CA10: variants seen among roughly 807,000 people sequenced by gnomAD.
CA10 encodes the protein carbonic anhydrase-related protein 10.
CA10 carries 14 observed loss-of-function variants against 44.2 expected under a neutral mutation model. The observed-to-expected ratio is 0.32, with a 90% CI of 0.21 to 0.50. The LOEUF (loss-of-function observed/expected upper bound fraction) is 0.50. CA10 is among the 20% of genes least tolerant of loss of function. The probability of loss-of-function intolerance (pLI) is 0.99; values close to 1 mark genes in which losing one functional copy is unlikely to be tolerated. For missense variants in CA10, 350 were observed against 409.7 expected, an observed-to-expected ratio of 0.85 and a Z score of 1.26; for synonymous variants, 159 against 141.6, an observed-to-expected ratio of 1.12 and a Z score of -0.87.
chr17:51,641,014 A>C (rs1051202245), intron 6 of CA10, among the ~76,000 whole-genome samples: 4 of 151,794 alleles, frequency 2.6e-5, no homozygotes, highest in Non-Finnish European at 4.4e-5. Context: ...CCAGTGGGGG[A>C]GTGTTCATGC....
chr17:51,885,381 C>T (rs1025664831), intron 3 of CA10, among the ~76,000 whole-genome samples: 2 of 152,220 alleles, frequency 1.3e-5, no homozygotes, highest in Non-Finnish European at 2.9e-5. Context: ...GCTTTCATCA[C>T]TTCCCTCAGT....
chr17:52,145,677 T>C (rs1163584081), intron 1 of CA10, among the ~76,000 whole-genome samples: 4 of 152,222 alleles, frequency 2.6e-5, no homozygotes, highest in Admixed American at 2.6e-4. Flanking sequence ...TTGAATCCCA[T>C]AGCTATTTAG....
chr17:52,150,536 G>A (rs1223917224), intron 1 of CA10, among the ~76,000 whole-genome samples: 1 of 152,046 alleles, frequency 6.6e-6, no homozygotes, highest in Non-Finnish European at 1.5e-5. Flanking sequence ...TTTCATTTAG[G>A]TCTCTACACT....
rs76922749 is a variant in CA10, at chr17:52,122,264, T to C, written c.61+35462A>G. Among the ~76,000 whole-genome samples the C allele has an allele frequency of 7.7e-3, 1,173 of 152,300 alleles. 18 individuals carry two copies. The highest frequency in any genetic ancestry group is 0.027 in the African/African-American group (1,126 of 41,566). On this transcript the variant is annotated intron_variant, in intron 1 of 8. Transcript: ENST00000451037. The stretch of plus-strand genomic sequence containing the variant: ...ATAAATTATATTCTAATGCAATACA[T>C]TTTTTAAAATAGAAGTTAATACAGA...
intron 8 of CA10, among the ~76,000 whole-genome samples, chr17:51,632,877 G>A (rs777573577): frequency 2.4e-4 from 36 of 152,198 alleles, no homozygotes; most frequent in Non-Finnish European, 4.4e-4. Context: ...CAACTTAAAT[G>A]TCCCCTTTAG....
chr17:51,820,232 ATGT>A (rs937314131), intron 3 of CA10, among the ~76,000 whole-genome samples: 3 of 120,048 alleles, frequency 2.5e-5, no homozygotes, highest in African/African-American at 9.7e-5. Flanking sequence ...AGTTCTTAGA[ATGT>A]TGTTTGCACC....
At chr17:52,139,221 T>A (rs1989424548) in intron 1 of CA10, among the ~76,000 whole-genome samples, 1 of 152,174 alleles carries the variant, frequency 6.6e-6, no homozygotes, top group South Asian at 2.1e-4. Context: ...GCAAGAGAGA[T>A]TTTGATTACT....
intron 7 of CA10, among the ~76,000 whole-genome samples, 187 bp from the exon 8 acceptor site, chr17:51,633,837 A>G (rs1912706475): frequency 6.6e-6 from 1 of 152,172 alleles, no homozygotes; most frequent in Non-Finnish European, 1.5e-5. Context: ...ACCTCCACAC[A>G]TGAAGCCAGC....
chr17:51,748,615 G>T, intron 3 of CA10: 1 of 365,380 alleles, frequency 2.7e-6, no homozygotes, highest in Non-Finnish European at 3.8e-6. Flanking sequence ...CTCTTGGGTT[G>T]ACTTAGCTCT....
rs549857206 is a variant in CA10 at position 51,687,570 on chromosome 17, T to C, written c.466-33834A>G. Among the ~76,000 whole-genome samples the C allele has an allele frequency of 7.2e-5, 11 of 152,342 alleles. No individual in the cohort carries two copies. The East Asian group carries it at 1.5e-3, about 21-fold the overall frequency. ...AACTAGCTTAAGATTTTATAGCTTA[T>C]AGTGGCCATGCTCTATGGTTTGTAC... On this transcript the variant is annotated intron_variant, in intron 4 of 8. Transcript: ENST00000451037.
chr17:51,958,157 GA>G (rs1201462999), intron 2 of CA10, among the ~76,000 whole-genome samples: 4 of 151,426 alleles, frequency 2.6e-5, no homozygotes, highest in Non-Finnish European at 4.4e-5. Context: ...TAGCTGCAAA[GA>G]AAAAAACACG....
intron 4 of CA10, among the ~76,000 whole-genome samples, chr17:51,717,618 TATATATGCAC>T (rs1916162614): frequency 8.7e-6 from 1 of 114,336 alleles, no homozygotes; most frequent in South Asian, 3.0e-4. Context: ...TGTATACATG[TATATATGCAC>T]ATATATGCAT....
intron 4 of CA10, among the ~76,000 whole-genome samples, chr17:51,735,434 T>C (rs2143573279): frequency 6.6e-6 from 1 of 152,252 alleles, no homozygotes; most frequent in South Asian, 2.1e-4. Context: ...ATGGGTACTA[T>C]GCTCAGTACC....
intron 3 of CA10, among the ~76,000 whole-genome samples, chr17:51,824,055 T>G (rs9902572): frequency 6.6e-6 from 1 of 151,814 alleles, no homozygotes; most frequent in South Asian, 2.1e-4. Context: ...CAAACTAAGA[T>G]GAAAACATCA....
intron 3 of CA10, among the ~76,000 whole-genome samples, chr17:51,829,486 A>G (rs142274544): frequency 2.6e-5 from 4 of 152,292 alleles, no homozygotes; most frequent in African/African-American, 9.6e-5. Context: ...ATGAGGAGCT[A>G]CGTTGAAAAG....
chr17:52,020,032 C>T (rs537719446), intron 2 of CA10, among the ~76,000 whole-genome samples: 55 of 151,896 alleles, frequency 3.6e-4, no homozygotes, highest in African/African-American at 1.2e-3. Flanking sequence ...TTGCTCTATT[C>T]TTCACTTAGT....
chr17:52,012,869 A>AT (rs1340197288), intron 2 of CA10, among the ~76,000 whole-genome samples: 2 of 151,710 alleles, frequency 1.3e-5, no homozygotes, highest in South Asian at 2.1e-4. Context: ...GGCTGTTAGC[A>AT]TTTTTTTTCT....
chr17:51,838,659 T>C (rs1978295958), intron 3 of CA10, among the ~76,000 whole-genome samples: 1 of 152,260 alleles, frequency 6.6e-6, no homozygotes, highest in Non-Finnish European at 1.5e-5. Context: ...AGAAATTCAA[T>C]GAGACACTGC....
chr17:51,934,099 G>T (rs1982770826), intron 2 of CA10, among the ~76,000 whole-genome samples: 1 of 152,062 alleles, frequency 6.6e-6, no homozygotes, highest in Non-Finnish European at 1.5e-5. Context: ...GCTCAGCTGT[G>T]TCCCTCATTG....
Sources: allele counts gnomAD v4.1 joint callset (sites outside exome capture counted in the v4.1 genomes callset), GRCh38; gene constraint gnomAD v4.1.1; transcripts MANE v1.5; gene names NCBI Gene and HGNC (gene_info 2026-07-23, HGNC 2026-07-21).